Variants in C13orf42 observed in about 807,000 individuals in gnomAD.
C13orf42 encodes uncharacterized protein C13orf42.
At chr13:51,159,856 C>T (rs1016541987) in intron 1 of C13orf42, among the ~76,000 whole-genome samples, 1 of 152,090 alleles carries the variant, frequency 6.6e-6, no homozygotes, top group Non-Finnish European at 1.5e-5. Context: ...AAACTGGGAA[C>T]AAAAAGAGGT....
intron 1 of C13orf42, among the ~76,000 whole-genome samples, chr13:51,095,774 G>A (rs865904434): frequency 7.2e-5 from 11 of 152,016 alleles, no homozygotes; most frequent in African/African-American, 2.2e-4. Flanking sequence ...CACCTGTTCC[G>A]TTAGGGCTTT....
chr13:51,123,918 C>T (rs1033865713), intron 1 of C13orf42, among the ~76,000 whole-genome samples: 1 of 152,094 alleles, frequency 6.6e-6, no homozygotes, highest in Non-Finnish European at 1.5e-5. Flanking sequence ...GCTAAACTGT[C>T]CCCGTAAAAC....
chr13:51,100,584 C>G (rs1256987768), intron 1 of C13orf42, among the ~76,000 whole-genome samples: 1 of 152,026 alleles, frequency 6.6e-6, no homozygotes, highest in East Asian at 1.9e-4. Flanking sequence ...TTGCAAAGGT[C>G]ATTATGCAAG....
intron 1 of C13orf42, among the ~76,000 whole-genome samples, chr13:51,142,450 ATAAAG>A (rs1248873414): frequency 7.2e-5 from 11 of 152,198 alleles, no homozygotes; most frequent in South Asian, 2.1e-4. Context: ...AACAACTAAA[ATAAAG>A]TAATTAGGTA....
At chr13:51,146,460 A>G (rs1953736610) in intron 1 of C13orf42, among the ~76,000 whole-genome samples, 1 of 152,242 alleles carries the variant, frequency 6.6e-6, no homozygotes, top group Non-Finnish European at 1.5e-5. Context: ...TTATTTTGCC[A>G]AAGTTAAGGA....
At chr13:51,166,622 C>T (rs539903120) in intron 1 of C13orf42, among the ~76,000 whole-genome samples, 44 of 150,998 alleles carry the variant, frequency 2.9e-4, no homozygotes, top group Non-Finnish European at 2.1e-4. Flanking sequence ...AGTAGAGGAC[C>T]TGGAATTTGA....
chr13:51,136,354 G>A (rs1009501134), intron 1 of C13orf42, among the ~76,000 whole-genome samples: 2 of 152,174 alleles, frequency 1.3e-5, no homozygotes, highest in African/African-American at 4.8e-5. Context: ...AACCTAGGCT[G>A]GCTGAGTCCT....
intron 1 of C13orf42, among the ~76,000 whole-genome samples, chr13:51,144,762 C>G (rs893545148): frequency 6.6e-6 from 1 of 152,192 alleles, no homozygotes; most frequent in Non-Finnish European, 1.5e-5. Flanking sequence ...AAGGAAATTT[C>G]ACCCAACTCA....
intron 1 of C13orf42, among the ~76,000 whole-genome samples, chr13:51,169,763 G>C (rs1953931934): frequency 6.6e-6 from 1 of 152,220 alleles, no homozygotes; most frequent in Non-Finnish European, 1.5e-5. Flanking sequence ...AAGCCTGCAA[G>C]TACACAGAGT....
chr13:51,096,551 ATTAT>A (rs1437935757), intron 1 of C13orf42, among the ~76,000 whole-genome samples: 5 of 152,324 alleles, frequency 3.3e-5, no homozygotes, highest in South Asian at 2.1e-4. Context: ...CATTAACAAG[ATTAT>A]TTATTTATTT....
At chr13:51,142,792 A>T (rs919038554) in intron 1 of C13orf42, among the ~76,000 whole-genome samples, 3 of 151,994 alleles carry the variant, frequency 2.0e-5, no homozygotes, top group Non-Finnish European at 4.4e-5. Context: ...TTAAAGAAAA[A>T]TAATGTTATA....
chr13:51,162,096 C>A, intron 1 of C13orf42: 2 of 329,836 alleles, frequency 6.1e-6, no homozygotes, highest in South Asian at 6.4e-5. Context: ...TTTGGAAGTT[C>A]GTGTGCATAA....
At chr13:51,103,306 G>A (rs1388459502) in intron 1 of C13orf42, among the ~76,000 whole-genome samples, 1 of 152,146 alleles carries the variant, frequency 6.6e-6, no homozygotes, top group African/African-American at 2.4e-5. Flanking sequence ...TCCTCAGGGA[G>A]GACCCCAAAT....
intron 1 of C13orf42, among the ~76,000 whole-genome samples, chr13:51,167,864 G>T (rs777387345): frequency 6.6e-6 from 1 of 152,166 alleles, no homozygotes; most frequent in Non-Finnish European, 1.5e-5. Flanking sequence ...TGGTTGTATT[G>T]TACATCCTGC....
intron 1 of C13orf42, among the ~76,000 whole-genome samples, chr13:51,133,503 CTA>C (rs1953634596): frequency 1.3e-5 from 2 of 152,026 alleles, no homozygotes; most frequent in South Asian, 2.1e-4. Flanking sequence ...ATTTTAAAAA[CTA>C]TAAAAAATTT....
At chr13:51,131,601 C>A (rs1953617234) in intron 1 of C13orf42, among the ~76,000 whole-genome samples, 1 of 152,174 alleles carries the variant, frequency 6.6e-6, no homozygotes, top group African/African-American at 2.4e-5. Context: ...TTTGAGGGTA[C>A]AAATCCATGG....
At chr13:51,161,976 G>A (rs1593558209) in intron 1 of C13orf42, 1 of 451,402 alleles carries the variant, frequency 2.2e-6, no homozygotes, top group East Asian at 6.1e-5. Context: ...ACCTCCACTT[G>A]GCCTTTATAG....
At chr13:51,129,180 T>C (rs1242491560) in intron 1 of C13orf42, among the ~76,000 whole-genome samples, 1 of 152,226 alleles carries the variant, frequency 6.6e-6, no homozygotes, top group African/African-American at 2.4e-5. Context: ...CCAGCCGCAG[T>C]GACAAACCTC....
At chr13:51,150,940 C>A (rs1304846618) in intron 1 of C13orf42, among the ~76,000 whole-genome samples, 1 of 152,056 alleles carries the variant, frequency 6.6e-6, no homozygotes, top group East Asian at 1.9e-4. Context: ...GAAATGCTAC[C>A]AAAAAAATTG....
Sources: allele counts gnomAD v4.1 joint callset (sites outside exome capture counted in the v4.1 genomes callset), GRCh38; gene constraint gnomAD v4.1.1; transcripts MANE v1.5; gene names NCBI Gene and HGNC (gene_info 2026-07-23, HGNC 2026-07-21).